The following DCLK1 variants were observed in gnomAD, a reference collection of about 807,000 sequenced individuals.
DCLK1 encodes serine/threonine-protein kinase DCLK1.
Under a neutral mutation model 86.2 loss-of-function variants are expected in DCLK1, and 16 were observed. The observed-to-expected ratio is 0.19, with a 90% CI of 0.13 to 0.28. DCLK1 has a LOEUF of 0.28. Ranked by LOEUF, DCLK1 falls within the 10% of genes least tolerant of loss-of-function variation. The pLI is 1.00. For synonymous variants in DCLK1, 369 were observed against 370.5 expected, an observed-to-expected ratio of 1.00 and a Z score of 0.05; for missense variants, 590 against 940.2, an observed-to-expected ratio of 0.63 and a Z score of 4.87.
rs112046461 is a variant in DCLK1, at chr13:36,107,181, G to C, written c.723+4688C>G. On this transcript the variant is annotated intron_variant, in intron 3 of 16. Coordinates refer to ENST00000360631, the MANE Select transcript of DCLK1 (RefSeq NM_001330071.2). ...TGGATTAATTTATCAACAGCTACTG[G>C]GATGTCCTCAAAATGGCAGTTATGA... Among the ~76,000 whole-genome samples the C allele has an allele frequency of 3.3e-5, 5 of 152,174 alleles. 1 individual carries two copies. Among genetic ancestry groups the C allele is most frequent in the African/African-American group, 1.2e-4 (5 of 41,516 alleles).
chr13:36,112,256 T>C (rs751078172), intron 2 of DCLK1, 41 bp from the exon 3 acceptor site: 1 of 1,415,308 alleles, frequency 7.1e-7, no homozygotes, highest in East Asian at 2.5e-5. Flanking sequence ...TACTAAAATA[T>C]GCCCATTTCT....
At chr13:35,853,084 C>T (rs1231837590) in intron 6 of DCLK1, among the ~76,000 whole-genome samples, 1 of 152,214 alleles carries the variant, frequency 6.6e-6, no homozygotes, top group Non-Finnish European at 1.5e-5. Context: ...CCGACCAGCT[C>T]TTCCTTCACT....
chr13:36,057,142 TTGA>T (rs148738991), intron 3 of DCLK1, among the ~76,000 whole-genome samples: 1,716 of 151,942 alleles, frequency 0.011, 39 homozygotes, highest in African/African-American at 0.039. Context: ...ATCTCAGCAT[TTGA>T]TGATGATGAT....
chr13:35,784,443 T>C (rs2086584263), intron 16 of DCLK1, among the ~76,000 whole-genome samples: 1 of 152,220 alleles, frequency 6.6e-6, no homozygotes. Context: ...TGCAGATGTT[T>C]CACCATTCCC....
rs541351848 is a variant in DCLK1 at position 36,037,014 on chromosome 13, T to C, written c.723+74855A>G. On this transcript the variant is annotated intron_variant, in intron 3 of 16. Coordinates refer to ENST00000360631, the MANE Select transcript of DCLK1 (RefSeq NM_001330071.2). ...ATCAATGGATGAATGGATAGAAAAA[T>C]GTGATATATATATCACACACACACA... Among the ~76,000 whole-genome samples the C allele has an allele frequency of 1.3e-3, 203 of 152,086 alleles. 1 individual carries two copies. Among genetic ancestry groups the C allele is most frequent in the Non-Finnish European group, 1.4e-3 (97 of 67,986 alleles).
At chr13:35,894,300 C>T (rs868092029) in intron 4 of DCLK1, among the ~76,000 whole-genome samples, 81 of 152,328 alleles carry the variant, frequency 5.3e-4, no homozygotes, top group African/African-American at 1.8e-3. Context: ...GAACTTAAGG[C>T]TTAGCACGGC....
intron 4 of DCLK1, among the ~76,000 whole-genome samples, chr13:35,941,152 C>T (rs1370655923): frequency 6.6e-6 from 1 of 152,124 alleles, no homozygotes; most frequent in Non-Finnish European, 1.5e-5. Flanking sequence ...AATACTGTTC[C>T]TACTATTCCA....
chr13:35,914,334 TATATATATATATATACATATATA>T, intron 4 of DCLK1, among the ~76,000 whole-genome samples: 1 of 2,626 alleles, frequency 3.8e-4, no homozygotes, highest in East Asian at 0.024. Context: ...AAAAAAAAAA[TATATATATATATATACATATATA>T]TATATATATA....
intron 11 of DCLK1, among the ~76,000 whole-genome samples, chr13:35,817,606 C>G (rs1196546094): frequency 6.6e-6 from 1 of 152,146 alleles, no homozygotes; most frequent in Non-Finnish European, 1.5e-5. Context: ...CATGTGGCAG[C>G]CTTTCCTATA....
chr13:35,814,240 A>G (rs1230651851), intron 11 of DCLK1, among the ~76,000 whole-genome samples: 2 of 152,242 alleles, frequency 1.3e-5, no homozygotes, highest in Admixed American at 6.5e-5. Context: ...ATTGCTAAAT[A>G]CACCCATTTA....
chr13:35,792,416 C>T (rs553667262), intron 16 of DCLK1, among the ~76,000 whole-genome samples: 1 of 152,020 alleles, frequency 6.6e-6, no homozygotes, highest in Non-Finnish European at 1.5e-5. Flanking sequence ...AGGAAAGAAA[C>T]TAAAAACACC....
At chr13:35,963,396 T>A (rs1410359645) in intron 3 of DCLK1, among the ~76,000 whole-genome samples, 1 of 152,120 alleles carries the variant, frequency 6.6e-6, no homozygotes, top group Non-Finnish European at 1.5e-5. Context: ...TTATTGAATG[T>A]TTTGGTAGGG....
At chr13:35,864,522 G>A (rs1437384153) in intron 5 of DCLK1, among the ~76,000 whole-genome samples, 3 of 57,612 alleles carry the variant, frequency 5.2e-5, no homozygotes, top group Non-Finnish European at 8.7e-5. Flanking sequence ...CCGAGATCCC[G>A]CCACTGCACT....
chr13:36,012,005 C>G (rs1190792786), intron 3 of DCLK1, among the ~76,000 whole-genome samples: 3 of 147,710 alleles, frequency 2.0e-5, no homozygotes, highest in Non-Finnish European at 4.5e-5. Context: ...CTCTTTTGAT[C>G]TTTGTTGGTT....
chr13:35,889,340 T>C (rs1237318206), intron 4 of DCLK1, among the ~76,000 whole-genome samples: 2 of 152,046 alleles, frequency 1.3e-5, no homozygotes, highest in African/African-American at 2.4e-5. Context: ...ATACGTTATA[T>C]GCCATTATAA....
At chr13:36,017,025 A>G (rs1881562091) in intron 3 of DCLK1, among the ~76,000 whole-genome samples, 1 of 152,244 alleles carries the variant, frequency 6.6e-6, no homozygotes, top group Non-Finnish European at 1.5e-5. Context: ...TGCCTTGCAG[A>G]AAAATATCAG....
chr13:35,900,857 C>T (rs925587375), intron 4 of DCLK1, among the ~76,000 whole-genome samples: 1 of 152,134 alleles, frequency 6.6e-6, no homozygotes, highest in Non-Finnish European at 1.5e-5. Context: ...ATAAAAATTC[C>T]GTGCATGGAG....
At chr13:36,050,593 G>C (rs1352267342) in intron 3 of DCLK1, among the ~76,000 whole-genome samples, 1 of 152,148 alleles carries the variant, frequency 6.6e-6, no homozygotes, top group East Asian at 1.9e-4. Context: ...AGGCAGTTGT[G>C]ACATGTGAGG....
At chr13:35,985,103 T>A in intron 3 of DCLK1, among the ~76,000 whole-genome samples, 1 of 152,206 alleles carries the variant, frequency 6.6e-6, no homozygotes, top group Non-Finnish European at 1.5e-5. Context: ...ATAGAAGTTC[T>A]GTGAATAAAA....
Sources: allele counts gnomAD v4.1 joint callset (sites outside exome capture counted in the v4.1 genomes callset), GRCh38; gene constraint gnomAD v4.1.1; transcripts MANE v1.5; gene names NCBI Gene and HGNC (gene_info 2026-07-23, HGNC 2026-07-21).